ZNF615: variants seen among roughly 807,000 people sequenced by gnomAD.
ZNF615 encodes the protein zinc finger protein 615.
Under a neutral mutation model 15.3 loss-of-function variants are expected in ZNF615, and 15 were observed. That is an observed-to-expected ratio of 0.98 (90% CI 0.66 to 1.51). The LOEUF is 1.51. Ranked by LOEUF, ZNF615 falls within the 40% of genes most tolerant of loss-of-function variation. The pLI is 0.00. For synonymous variants in ZNF615, 268 were observed against 294.6 expected (o/e 0.91, Z 0.92); for missense variants, 848 against 895.9 (o/e 0.95, Z 0.68).
intron 2 of ZNF615, among the ~76,000 whole-genome samples, chr19:52,005,196 G>T (rs59635832): frequency 6.6e-6 from 1 of 151,882 alleles, no homozygotes; most frequent in Non-Finnish European, 1.5e-5. Flanking sequence ...GAAGCGGAGG[G>T]TGCAGTGAGC....
At position 51,994,114 on chromosome 19, in the gene ZNF615, C is replaced by T. The variant is rs2086341656; in HGVS notation, c.995G>A (p.Cys332Tyr). 2 of 1,613,962 alleles carry T rather than the reference C, an allele frequency of 1.2e-6. No individual in the cohort carries two copies. The highest frequency in any genetic ancestry group is 1.7e-6 in the Non-Finnish European group (2 of 1,180,028). ...GAACTTTGTAGAGAAGGCCTTCCCA[C>T]ATACACTGCATCCATGGGGTTTCTC... ...TGEKPHGCSV[C>Y]GKAFSTKFSL... Residue 332 changes from cysteine (C) to tyrosine (Y), a missense_variant, in exon 7 of 7, where the codon TGT becomes TAT. Coordinates refer to ENST00000598071, the MANE Select transcript of ZNF615 (RefSeq NM_001199324.2).
At position 51,993,914 on chromosome 19, in the gene ZNF615, T is replaced by A. The variant is rs757451078; in HGVS notation, c.1195A>T (p.Ile399Phe). 5 of 1,614,110 alleles carry A rather than the reference T, an allele frequency of 3.1e-6. No homozygotes were observed. The African/African-American group carries it at 6.7e-5, about 22-fold the overall frequency. ...CCTGTATGAGTTTGCTGATGTGTGA[T>A]AAGACTGTTCTTCAAGGTGAAGCCT... is the stretch of plus-strand genomic sequence containing the variant. ...GKGFTLKNSL[I>F]THQQTHTGEK... Residue 399 changes from isoleucine (I) to phenylalanine (F), a missense_variant, in exon 7 of 7, where the codon ATC becomes TTC. Physicochemically the swap from Ile to Phe is conservative, Grantham distance 21. Coordinates refer to ENST00000598071, the MANE Select transcript of ZNF615 (RefSeq NM_001199324.2).
At position 52,008,170 on chromosome 19, in the gene ZNF615, T is replaced by G. The variant is rs952492401; in HGVS notation, c.-257A>C. On this transcript the variant is annotated 5_prime_UTR_variant, in exon 1 of 7. The change abolishes an upstream ATG in the 5' untranslated region. Transcript: ENST00000598071. The stretch of plus-strand genomic sequence containing the variant: ...CAGAACTTGGTGGGCTCCGGCCTCA[T>G]CTCTCGGCCTCCTCAGTGCCTGACG... 93 of 1,535,386 alleles carry G rather than the reference T, an allele frequency of 6.1e-5. No individual in the cohort carries two copies. Among genetic ancestry groups the G allele is most frequent in the Non-Finnish European group, 6.9e-5 (79 of 1,146,770 alleles).
At position 51,991,534 on chromosome 19, in the gene ZNF615, C is replaced by T. The variant is rs1056879813; in HGVS notation, c.*1346G>A. 2.0e-5 allele frequency: 3 copies of T among 152,138 alleles called. No individual in the cohort carries two copies. The highest frequency in any genetic ancestry group is 7.2e-5 in the African/African-American group (3 of 41,430). The allele number at this position is 152,138 out of a possible 1,614,324, so 9.4% of individuals were successfully genotyped here. On this transcript the variant is annotated 3_prime_UTR_variant, in exon 7 of 7. Coordinates refer to ENST00000598071, the MANE Select transcript of ZNF615 (RefSeq NM_001199324.2). ...TCTGCTTTAGTTGAAATAGCCAATACCAAAAGGGTACATGCTGTATGATTC... is the reference window on the plus strand; with the variant it reads ...TCTGCTTTAGTTGAAATAGCCAATATCAAAAGGGTACATGCTGTATGATTC...
At position 52,003,835 on chromosome 19, in the gene ZNF615, C is replaced by G; in HGVS notation, c.-124G>C. ...TCAAGGATGTCCCCAGAAATGATGA[C>G]ACCCAAGTCTTGGAAACTCCGCCTC... On this transcript the variant is annotated 5_prime_UTR_variant, in exon 3 of 7. Transcript: ENST00000598071. 2 of 1,531,064 alleles carry G rather than the reference C, an allele frequency of 1.3e-6. No homozygotes were observed. The highest frequency in any genetic ancestry group is 1.7e-6 in the Non-Finnish European group (2 of 1,142,896). 94.8% of individuals were successfully genotyped at this position (1,531,064 alleles called of 1,614,324 possible). A position where few individuals can be genotyped will look rare whatever the true frequency, so the allele number is the denominator to read the frequency against.
In ZNF615 at chr19:52,003,772, T is replaced by C. The variant is rs972625478; in HGVS notation, c.-61A>G. 1.9e-6 allele frequency: 3 copies of C among 1,597,628 alleles called. No individual in the cohort carries two copies. The African/African-American group carries it at 4.0e-5, about 22-fold the overall frequency. ...ACGTTCTGTATTTGTCTCTTCTGAA[T>C]CAGCTCTAAATTTCGGTTCAAAAAC... On this transcript the variant is annotated 5_prime_UTR_variant, in exon 3 of 7. Transcript: ENST00000598071.
chr19:52,002,745 TC>T (rs2086637506), intron 3 of ZNF615, among the ~76,000 whole-genome samples: 2 of 152,108 alleles, frequency 1.3e-5, no homozygotes, highest in African/African-American at 2.4e-5. Flanking sequence ...ATTATTTTAT[TC>T]TGAATGAAAT....
chr19:51,997,712 C>T (rs1381824666), intron 6 of ZNF615, among the ~76,000 whole-genome samples: 2 of 152,162 alleles, frequency 1.3e-5, no homozygotes, highest in African/African-American at 4.8e-5. Context: ...TGGGTCATAT[C>T]AGATAGTTTA....
chr19:51,994,844 A>C lies in ZNF615; in HGVS notation c.272-7T>G. 1.3e-6 allele frequency: 2 copies of C among 1,573,988 alleles called. No homozygotes were observed. Among genetic ancestry groups the C allele is most frequent in the Non-Finnish European group, 1.7e-6 (2 of 1,163,282 alleles). On this transcript the variant is annotated splice_polypyrimidine_tract_variant and splice_region_variant and intron_variant, in intron 6 of 6. Transcript: ENST00000598071. ...TCATCAATTTTCCTGATTTCTAGGA[A>C]AGAAGAGAACAGTCAATCACTCCAT...
chr19:52,002,167 G>A lies in ZNF615; in HGVS notation c.130C>T (p.Leu44=). ...RDVMLENYSN[L]VAVGYQASKP... is the part of the protein sequence containing the mutation. ...CAGCTGTCCTCACCCACTGCCACCAGGTTGCTGTAGTTCTCCAACATCACG... is the reference window on the plus strand; with the variant it reads ...CAGCTGTCCTCACCCACTGCCACCAAGTTGCTGTAGTTCTCCAACATCACG... Residue 44 remains leucine (L), a synonymous_variant, in exon 4 of 7, where the codon CTG becomes TTG. Coordinates refer to ENST00000598071, the MANE Select transcript of ZNF615 (RefSeq NM_001199324.2). 2 of 1,614,158 alleles carry A rather than the reference G, an allele frequency of 1.2e-6. No individual in the cohort carries two copies. Among genetic ancestry groups the A allele is most frequent in the Non-Finnish European group, 8.5e-7 (1 of 1,180,032 alleles).
At chr19:52,001,666 A>G in intron 5 of ZNF615, 147 bp downstream of exon 5, 2 of 629,056 alleles carry the variant, frequency 3.2e-6, no homozygotes, top group Non-Finnish European at 5.6e-6. Context: ...TTTCCATACT[A>G]TAACAAAAAA....
intron 3 of ZNF615, among the ~76,000 whole-genome samples, chr19:52,003,275 T>C (rs1297671994): frequency 6.6e-6 from 1 of 152,230 alleles, no homozygotes; most frequent in Admixed American, 6.5e-5. Context: ...AAATCTACTT[T>C]TGCATTTATG....
In ZNF615 at chr19:51,994,338, T is replaced by A. The variant is rs773075403; in HGVS notation, c.771A>T (p.Arg257Ser). 1.9e-6 allele frequency: 3 copies of A among 1,614,144 alleles called. No individual in the cohort carries two copies. Among genetic ancestry groups the A allele is most frequent in the African/African-American group, 2.7e-5 (2 of 75,054 alleles). ...MCGKAFSRKSRLMDHQRTHTE... is the reference protein window; with the variant it reads ...MCGKAFSRKSSLMDHQRTHTE... Reference sequence around the variant, plus strand: ...TATGAGTTCTCTGATGGTCCATTAGTCTGGATTTTCTGGAGAAAGCTTTCC... The same window carrying A: ...TATGAGTTCTCTGATGGTCCATTAGACTGGATTTTCTGGAGAAAGCTTTCC... The change falls in exon 7 of 7, where the codon AGA becomes AGT. Residue 257 changes from arginine (R) to serine (S), a missense_variant. By Grantham distance (110) the Arg-to-Ser change is moderately radical (BLOSUM62 -1). Transcript: ENST00000598071.
At chr19:52,005,418 C>CT (rs1361437507) in intron 2 of ZNF615, among the ~76,000 whole-genome samples, 2 of 152,136 alleles carry the variant, frequency 1.3e-5, no homozygotes, top group African/African-American at 4.8e-5. Flanking sequence ...AGCAATAAAA[C>CT]TAATTTTTAA....
chr19:51,993,220 G>C lies in ZNF615; in HGVS notation c.1889C>G (p.Thr630Ser). Residue 630 changes from threonine (T) to serine (S), a missense_variant, in exon 7 of 7, where the codon ACT becomes AGT. Thr to Ser is a moderately conservative substitution (Grantham distance 58). Transcript: ENST00000598071. ...ATTGCATTTGTATGGCTTCTCTCCA[G>C]TATGAGTTTGCTGATGTATACTGAG... ...STLSIHQQTH[T>S]GEKPYKCNEC... 1 of 1,614,184 alleles carries C rather than the reference G, an allele frequency of 6.2e-7. No homozygotes were observed. The highest frequency in any genetic ancestry group is 8.5e-7 in the Non-Finnish European group (1 of 1,180,022).
At position 52,002,169 on chromosome 19, in the gene ZNF615, T is replaced by C. The variant is rs533562464; in HGVS notation, c.128A>G (p.Asn43Ser). 2 of 1,614,188 alleles carry C rather than the reference T, an allele frequency of 1.2e-6. No homozygotes were observed. Among genetic ancestry groups the C allele is most frequent in the Non-Finnish European group, 1.7e-6 (2 of 1,180,032 alleles). ...GCTGTCCTCACCCACTGCCACCAGGTTGCTGTAGTTCTCCAACATCACGTC... is the reference window on the plus strand; with the variant it reads ...GCTGTCCTCACCCACTGCCACCAGGCTGCTGTAGTTCTCCAACATCACGTC... ...YRDVMLENYS[N>S]LVAVGYQASK... Residue 43 changes from asparagine (N) to serine (S), a missense_variant, in exon 4 of 7, where the codon AAC (asparagine) becomes AGC (serine). By Grantham distance (46) the Asn-to-Ser change is conservative. Transcript: ENST00000598071.
intron 2 of ZNF615, among the ~76,000 whole-genome samples, 157 bp from the exon 3 acceptor site, chr19:52,004,057 T>C (rs2086680470): frequency 6.6e-6 from 1 of 152,146 alleles, no homozygotes; most frequent in Non-Finnish European, 1.5e-5. Context: ...AAATATAACA[T>C]TCTGAATATA....
In ZNF615 at chr19:52,003,016, G is replaced by A. The variant is rs567259048; in HGVS notation, c.15+681C>T. On this transcript the variant is annotated intron_variant, in intron 3 of 6. Transcript: ENST00000598071. The stretch of plus-strand genomic sequence containing the variant: ...TAATTTTTGTATTTTTAGTAGAGAT[G>A]AGGTTTCACCACGTTGGCCAGGCTG... Among the ~76,000 whole-genome samples the A allele has an allele frequency of 5.9e-5, 9 of 152,096 alleles. No homozygotes were observed. In the East Asian group the frequency reaches 1.7e-3, roughly 29 times the overall value.
At chr19:52,006,927 G>A (rs2086768859) in intron 2 of ZNF615, among the ~76,000 whole-genome samples, 1 of 152,028 alleles carries the variant, frequency 6.6e-6, no homozygotes, top group Non-Finnish European at 1.5e-5. Context: ...AAGGAAAGGG[G>A]AGTCAGAAAG....
Sources: allele counts gnomAD v4.1 joint callset (sites outside exome capture counted in the v4.1 genomes callset), GRCh38; gene constraint gnomAD v4.1.1; transcripts MANE v1.5; gene names NCBI Gene and HGNC (gene_info 2026-07-23, HGNC 2026-07-21).